Variants in NSL1 observed in about 807,000 individuals in gnomAD.
NSL1 encodes the protein NSL1 component of MIS12 kinetochore complex, also known as kinetochore-associated protein NSL1 homolog.
NSL1 carries 11 observed loss-of-function variants against 25.4 expected under a neutral mutation model. That is an observed-to-expected ratio of 0.43 (90% confidence interval 0.27 to 0.72). The LOEUF (loss-of-function observed/expected upper bound fraction) is 0.72. Ranked by LOEUF, NSL1 falls within the 30% of genes least tolerant of loss-of-function variation. The pLI is 0.19. For missense variants in NSL1, 330 were observed against 342.7 expected (o/e 0.96, Z 0.29); for synonymous variants, 118 against 120.6 (o/e 0.98, Z 0.14).
rs73083716 is a variant in NSL1 at position 212,777,912 on chromosome 1, T to A, written c.499+4460A>T. ...AATAAAATAATCACACTGCCCTATG[T>A]ATGCAGAATGAAATGGAAGAGAGCA... On this transcript the variant is annotated intron_variant, in intron 4 of 5. Transcript: ENST00000366977. Among the ~76,000 whole-genome samples the A allele has an allele frequency of 5.2e-3, 786 of 152,342 alleles. 5 individuals are homozygous for A. Among genetic ancestry groups the A allele is most frequent in the African/African-American group, 0.018 (749 of 41,580 alleles).
At chr1:212,791,029 G>A (rs908878885) in intron 1 of NSL1, among the ~76,000 whole-genome samples, 3 of 152,182 alleles carry the variant, frequency 2.0e-5, no homozygotes, top group African/African-American at 7.2e-5. Context: ...CTTTCCAGGA[G>A]AATTCCTCAT....
At chr1:212,758,968 A>G (rs988147347) in intron 4 of NSL1, among the ~76,000 whole-genome samples, 7 of 152,236 alleles carry the variant, frequency 4.6e-5, no homozygotes, top group Admixed American at 4.6e-4. Context: ...GAGAGTTCAG[A>G]AAGAAATCTA....
Position 212,732,243 on chromosome 1 carries a change from T to C in NSL1, c.*6165A>G. ...CATCTCCTTTATACAATTTTCTGCA[T>C]AGTTAACATTATCACTCGTGTTGTC... On this transcript the variant is annotated 3_prime_UTR_variant, in exon 6 of 6. Coordinates refer to ENST00000366977, the MANE Select transcript of NSL1 (RefSeq NM_015471.4). 5 of 980,688 alleles carry C rather than the reference T, an allele frequency of 5.1e-6. No individual in the cohort carries two copies. The highest frequency in any genetic ancestry group is 6.1e-6 in the Non-Finnish European group (5 of 825,736). The allele number at this position is 980,688 out of a possible 1,614,324, so 60.7% of individuals were successfully genotyped here.
intron 4 of NSL1, among the ~76,000 whole-genome samples, chr1:212,748,449 A>C (rs1658911138): frequency 6.6e-6 from 1 of 152,226 alleles, no homozygotes; most frequent in Non-Finnish European, 1.5e-5. Flanking sequence ...TCATATAGCC[A>C]AAATCTGGAA....
chr1:212,762,813 C>A (rs1169539385), intron 4 of NSL1, among the ~76,000 whole-genome samples: 1 of 152,176 alleles, frequency 6.6e-6, no homozygotes, highest in Non-Finnish European at 1.5e-5. Context: ...CAGTCTCCAG[C>A]ATGAACAGAG....
chr1:212,740,745 A>G (rs1326479382), intron 4 of NSL1, among the ~76,000 whole-genome samples: 1 of 152,204 alleles, frequency 6.6e-6, no homozygotes, highest in Non-Finnish European at 1.5e-5. Flanking sequence ...ATCACTATAC[A>G]TTAGTTTTGC....
chr1:212,765,990 G>C (rs1028561862), intron 4 of NSL1, among the ~76,000 whole-genome samples: 1 of 151,518 alleles, frequency 6.6e-6, no homozygotes, highest in African/African-American at 2.4e-5. Context: ...CAAAAAATTA[G>C]CTGGGCGTGG....
chr1:212,726,913 A>G lies in NSL1; in HGVS notation c.*11495T>C, dbSNP rs1295948083. On this transcript the variant is annotated 3_prime_UTR_variant, in exon 6 of 6. Transcript: ENST00000366977. Reference sequence around the variant, plus strand: ...GGTGTCCCTCCCTCTGATGGACACCAGCACAGCACGGACTTTCCCGTCCTG... The same window carrying G: ...GGTGTCCCTCCCTCTGATGGACACCGGCACAGCACGGACTTTCCCGTCCTG... 6 of 424,552 alleles carry G rather than the reference A, an allele frequency of 1.4e-5. No homozygotes were observed. The highest frequency in any genetic ancestry group is 2.5e-5 in the Non-Finnish European group (6 of 241,684). The allele number at this position is 424,552 out of a possible 1,614,324, so 26.3% of individuals were successfully genotyped here.
intron 4 of NSL1, among the ~76,000 whole-genome samples, chr1:212,778,531 T>C (rs2102394263): frequency 6.6e-6 from 1 of 152,304 alleles, no homozygotes; most frequent in South Asian, 2.1e-4. Flanking sequence ...GCTGAGTGCC[T>C]GCGATTGCAG....
chr1:212,784,595 T>A, intron 2 of NSL1, 102 bp from the exon 3 acceptor site: 1 of 648,338 alleles, frequency 1.5e-6, no homozygotes, highest in Non-Finnish European at 2.4e-6. Context: ...AAACACAAAA[T>A]AATGAAGGAA....
At chr1:212,787,507 T>C in intron 2 of NSL1, 52 bp downstream of exon 2, 2 of 1,366,486 alleles carry the variant, frequency 1.5e-6, no homozygotes, top group Non-Finnish European at 2.0e-6. Context: ...CAAAACAAAA[T>C]TAGCTGCAAA....
chr1:212,782,369 C>T lies in NSL1; in HGVS notation c.499+3G>A. 1 of 1,604,386 alleles carries T rather than the reference C, an allele frequency of 6.2e-7. No homozygotes were observed. The highest frequency in any genetic ancestry group is 8.5e-7 in the Non-Finnish European group (1 of 1,171,204). On this transcript the variant is annotated splice_donor_region_variant and intron_variant, in intron 4 of 5. Transcript: ENST00000366977. Reference sequence around the variant, plus strand: ...TTTTTACCACAAATGGATACTGACTCACCTGGATCAGGGTCATATTTTAGG... The same window carrying T: ...TTTTTACCACAAATGGATACTGACTTACCTGGATCAGGGTCATATTTTAGG...
intron 4 of NSL1, among the ~76,000 whole-genome samples, chr1:212,746,760 T>A (rs1400356240): frequency 6.6e-6 from 1 of 152,224 alleles, no homozygotes; most frequent in Non-Finnish European, 1.5e-5. Context: ...CAGTGAATCA[T>A]ACACTTCAAA....
intron 3 of NSL1, among the ~76,000 whole-genome samples, chr1:212,783,508 T>C (rs1660811368): frequency 6.6e-6 from 1 of 152,208 alleles, no homozygotes; most frequent in African/African-American, 2.4e-5. Flanking sequence ...GCCGGGCATA[T>C]AATGACCTGA....
In NSL1 at chr1:212,737,433, T is replaced by C. The variant is rs1658273611; in HGVS notation, c.*975A>G. On this transcript the variant is annotated 3_prime_UTR_variant, in exon 6 of 6. Transcript: ENST00000366977. Reference sequence around the variant, plus strand: ...TCAGAGTCATCAAAAGGGGAAACAGTTGGTAAGTTTGATGGCCCTGCCTAC... The same window carrying C: ...TCAGAGTCATCAAAAGGGGAAACAGCTGGTAAGTTTGATGGCCCTGCCTAC... 5 of 985,162 alleles carry C rather than the reference T, an allele frequency of 5.1e-6. No individual in the cohort carries two copies. The South Asian group carries it at 1.9e-4, about 37-fold the overall frequency. 61.0% of individuals were successfully genotyped at this position (985,162 alleles called of 1,614,324 possible).
intron 4 of NSL1, among the ~76,000 whole-genome samples, chr1:212,774,510 C>G (rs1455915270): frequency 6.6e-6 from 1 of 151,732 alleles, no homozygotes; most frequent in Non-Finnish European, 1.5e-5. Context: ...ACAAATACCT[C>G]CCTCAAAAAA....
chr1:212,765,390 A>G (rs1379872684), intron 4 of NSL1, among the ~76,000 whole-genome samples: 1 of 152,226 alleles, frequency 6.6e-6, no homozygotes, highest in East Asian at 1.9e-4. Flanking sequence ...ATACATCATG[A>G]TCAAGTGGGT....
intron 4 of NSL1, among the ~76,000 whole-genome samples, chr1:212,777,759 A>T (rs1278539551): frequency 6.6e-6 from 1 of 152,238 alleles, no homozygotes; most frequent in East Asian, 1.9e-4. Flanking sequence ...TTTAGTTCCT[A>T]AAAAGGTCTG....
Position 212,772,097 on chromosome 1 carries a change from C to T in NSL1, c.499+10275G>A, listed in dbSNP as rs183590358. Reference sequence around the variant, plus strand: ...CTTGCCACCGCCATTTAAGAAGTGCCGTTTGTCTTCTGCCATGATTGTGAG... The same window carrying T: ...CTTGCCACCGCCATTTAAGAAGTGCTGTTTGTCTTCTGCCATGATTGTGAG... On this transcript the variant is annotated intron_variant, in intron 4 of 5. Coordinates refer to ENST00000366977, the MANE Select transcript of NSL1 (RefSeq NM_015471.4). 3.5e-4 allele frequency among the ~76,000 whole-genome samples: 54 copies of T among 152,180 alleles called. No individual in the cohort carries two copies. In the East Asian group the frequency reaches 9.1e-3, roughly 26 times the overall value.
Sources: gnomAD v4.1 joint callset for allele counts (sites outside exome capture counted in the v4.1 genomes callset) on GRCh38, gnomAD v4.1.1 for gene constraint, MANE v1.5 for transcripts, NCBI Gene and HGNC (gene_info 2026-07-23, HGNC 2026-07-21) for gene names.